DSCAML1: variants seen among roughly 807,000 people sequenced by gnomAD.
DSCAML1 encodes DS cell adhesion molecule like 1, also known as cell adhesion molecule DSCAML1.
In DSCAML1, 38 loss-of-function variants were observed where a neutral mutation model predicts 200.5. The observed-to-expected ratio is 0.19, with a 90% CI of 0.15 to 0.25. DSCAML1 has a LOEUF of 0.25. Ranked by LOEUF, DSCAML1 falls within the 10% of genes least tolerant of loss-of-function variation. The probability of loss-of-function intolerance (pLI) is 1.00; values close to 1 mark genes in which losing one functional copy is unlikely to be tolerated. For synonymous variants in DSCAML1, 1,215 were observed against 1,165.0 expected (o/e 1.04, Z -0.87); for missense variants, 2,223 against 2,858.8 (o/e 0.78, Z 5.07).
intron 3 of DSCAML1, among the ~76,000 whole-genome samples, chr11:117,546,534 C>G (rs565895148): frequency 1.3e-5 from 2 of 152,354 alleles, no homozygotes; most frequent in South Asian, 4.1e-4. Context: ...TAACTGCCCA[C>G]AGACTGGTCT....
At chr11:117,662,848 G>A (rs1292797650) in intron 3 of DSCAML1, among the ~76,000 whole-genome samples, 1 of 152,142 alleles carries the variant, frequency 6.6e-6, no homozygotes, top group Non-Finnish European at 1.5e-5. Flanking sequence ...AATTCAGTAG[G>A]CCTGGAATGG....
At chr11:117,794,232 C>T (rs973310533) in intron 1 of DSCAML1, among the ~76,000 whole-genome samples, 3 of 152,174 alleles carry the variant, frequency 2.0e-5, no homozygotes, top group Admixed American at 6.5e-5. Context: ...GCCGGGGAAG[C>T]TTGTTCTTTT....
chr11:117,503,157 C>T lies in DSCAML1; in HGVS notation c.2359+688G>A, dbSNP rs1428048408. 6.6e-6 allele frequency among the ~76,000 whole-genome samples: 1 copy of T among 152,188 alleles called. No homozygotes were observed. The highest frequency in any genetic ancestry group is 1.5e-5 in the Non-Finnish European group (1 of 68,034). ...CAGTGTGCTTCTAGGGCCGTTGAGG[C>T]TGGCTCTGGGCAGGGGGATTTAGAA... On this transcript the variant is annotated intron_variant, in intron 11 of 32. Transcript: ENST00000651296. The surrounding 1 kb of genome is among the most constrained non-coding windows in gnomAD (Gnocchi z 5.2).
rs375747436 is a variant in DSCAML1, at chr11:117,532,559, G to A, written c.512-37C>T. 28 of 1,596,506 alleles carry A rather than the reference G, an allele frequency of 1.8e-5. No individual in the cohort carries two copies. The East Asian group carries it at 2.9e-4, about 17-fold the overall frequency. ...ATCAGGACATAGTTCGTTACTTCCCGGTTTCGTACAGCCTCAGAGGCAGGG... is the reference window on the plus strand; with the variant it reads ...ATCAGGACATAGTTCGTTACTTCCCAGTTTCGTACAGCCTCAGAGGCAGGG... On this transcript the variant is annotated intron_variant, in intron 3 of 32. Transcript: ENST00000651296.
intron 3 of DSCAML1, among the ~76,000 whole-genome samples, chr11:117,578,236 G>GGAA (rs755668465): frequency 2.2e-4 from 22 of 101,410 alleles, no homozygotes; most frequent in Middle Eastern, 4.8e-3. Flanking sequence ...ACTCTGTCTC[G>GGAA]AAAAAAAAAA....
chr11:117,796,899 T>G (rs2055589026), intron 1 of DSCAML1, 135 bp downstream of exon 1: 1 of 540,716 alleles, frequency 1.8e-6, no homozygotes, highest in African/African-American at 2.0e-5. Flanking sequence ...CCCTCCCCGC[T>G]GCGCCCCACC....
At chr11:117,487,312 TTTTA>T (rs1326554843) in intron 11 of DSCAML1, among the ~76,000 whole-genome samples, 2 of 151,906 alleles carry the variant, frequency 1.3e-5, no homozygotes, top group Non-Finnish European at 2.9e-5. Context: ...CTCACCTGTT[TTTTA>T]TTTTTTTGAA....
At chr11:117,703,951 C>T (rs2053710217) in intron 3 of DSCAML1, among the ~76,000 whole-genome samples, 1 of 152,186 alleles carries the variant, frequency 6.6e-6, no homozygotes, top group African/African-American at 2.4e-5. Flanking sequence ...TTAATACCCA[C>T]AAGTAACATT....
At chr11:117,479,127 C>T (rs879133871) in intron 14 of DSCAML1, among the ~76,000 whole-genome samples, 1 of 152,208 alleles carries the variant, frequency 6.6e-6, no homozygotes, top group Admixed American at 6.5e-5. Context: ...GGGCCCTGTG[C>T]CAGGTGCTGG....
At chr11:117,714,410 A>G (rs946183475) in intron 3 of DSCAML1, among the ~76,000 whole-genome samples, 2 of 152,222 alleles carry the variant, frequency 1.3e-5, no homozygotes, top group Non-Finnish European at 2.9e-5. Flanking sequence ...GTGCCTGCTC[A>G]GAAATGATTT....
At chr11:117,614,755 T>C (rs2051774851) in intron 3 of DSCAML1, among the ~76,000 whole-genome samples, 2 of 152,184 alleles carry the variant, frequency 1.3e-5, no homozygotes, top group South Asian at 4.1e-4. Flanking sequence ...CCTGCTTCAG[T>C]GGGAAGCCTG....
chr11:117,656,548 C>T (rs112713306), intron 3 of DSCAML1, among the ~76,000 whole-genome samples: 48 of 115,582 alleles, frequency 4.2e-4, no homozygotes, highest in African/African-American at 1.3e-3. Context: ...TCTATCTATC[C>T]ATCCATCCAC....
At chr11:117,559,066 A>C (rs1294318405) in intron 3 of DSCAML1, among the ~76,000 whole-genome samples, 1 of 152,166 alleles carries the variant, frequency 6.6e-6, no homozygotes, top group East Asian at 1.9e-4. Flanking sequence ...AGAAGTTGGG[A>C]AGGACAACAG....
In DSCAML1 at chr11:117,482,082, C is replaced by T; in HGVS notation, c.2440G>A (p.Gly814Ser). ...CAGCGGATGATGATGGGCCGCTCAC[C>T]CCGTGCCGTGCAGTTTAGCTCCTTC... Reference protein sequence around the residue: ...HAKELNCTARGERPIIIRWEK... With the variant: ...HAKELNCTARSERPIIIRWEK... The change falls in exon 12 of 33, where the codon GGT becomes AGT. Residue 814 changes from glycine to serine, a missense_variant. Physicochemically the swap from Gly to Ser is moderately conservative, Grantham distance 56 (BLOSUM62 0). This residue lies in a region of DSCAML1 where 438 missense variants were observed against 629.7 expected (regional missense o/e 0.70). Transcript: ENST00000651296. 1 of 1,614,202 alleles carries T rather than the reference C, an allele frequency of 6.2e-7. No individual in the cohort carries two copies. Among genetic ancestry groups the T allele is most frequent in the Non-Finnish European group, 8.5e-7 (1 of 1,180,012 alleles).
intron 11 of DSCAML1, among the ~76,000 whole-genome samples, chr11:117,486,249 CGGATGGGAAAGTGGT>C (rs747527407): frequency 0.24 from 29,378 of 121,582 alleles, 3,190 homozygotes; most frequent in Admixed American, 0.34. Context: ...GGGAAAGTGG[CGGATGGGAAAGTGGT>C]GGATGGGAAA....
chr11:117,589,880 G>C (rs939872924), intron 3 of DSCAML1, among the ~76,000 whole-genome samples: 2 of 152,180 alleles, frequency 1.3e-5, no homozygotes. Context: ...GAAAAAGTGA[G>C]GCCCTAAGAG....
Position 117,458,821 on chromosome 11 carries a change from C to G in DSCAML1, c.3501G>C (p.Val1167=), listed in dbSNP as rs770920714. The G allele has an allele frequency of 1.9e-6, 3 of 1,614,058 alleles. No individual in the cohort carries two copies. The change falls in exon 19 of 33, where the codon GTG becomes GTC. Residue 1167 remains valine (V), a synonymous_variant. Coordinates refer to ENST00000651296, the MANE Select transcript of DSCAML1 (RefSeq NM_020693.4). ...CGTCCCCAGCCTGGGTGTAGGCCAG[C>G]ACCTGGACGCTGTAGTTGGTGAACT... ...MEKFTNYSVQ[V]LAYTQAGDGV... is the part of the protein sequence containing the mutation.
At chr11:117,449,138 A>C (rs2048235477) in intron 20 of DSCAML1, among the ~76,000 whole-genome samples, 1 of 152,230 alleles carries the variant, frequency 6.6e-6, no homozygotes, top group Non-Finnish European at 1.5e-5. Context: ...CCATTTACAC[A>C]AAGTACAAAA....
intron 3 of DSCAML1, among the ~76,000 whole-genome samples, chr11:117,630,658 CAAA>C (rs56741831): frequency 0.041 from 1,875 of 45,426 alleles, 22 homozygotes; most frequent in South Asian, 0.25. Context: ...ATAAAGTGGC[CAAA>C]AAAAAAAAAA....
Sources: allele counts gnomAD v4.1 joint callset (sites outside exome capture counted in the v4.1 genomes callset), GRCh38; gene constraint gnomAD v4.1.1; regional missense constraint gnomAD v4.1.1; non-coding constraint Gnocchi (gnomAD v3.1); transcripts MANE v1.5; gene names NCBI Gene and HGNC (gene_info 2026-07-23, HGNC 2026-07-21).